CRB1: variants seen among roughly 807,000 people sequenced by gnomAD.
CRB1 encodes crumbs cell polarity complex component 1.
CRB1 carries 83 observed loss-of-function variants against 120.0 expected under a neutral mutation model. The ratio of observed to expected loss-of-function variants is 0.69; its 90% CI spans 0.58 to 0.83. The LOEUF is 0.83. Ranked by LOEUF, CRB1 falls within the 40% of genes least tolerant of loss-of-function variation. The pLI is 0.00. For synonymous variants in CRB1, 625 were observed against 612.5 expected (o/e 1.02, Z -0.30); for missense variants, 1,699 against 1,687.6 (o/e 1.01, Z -0.12).
intron 7 of CRB1, 40 bp downstream of exon 7, chr1:197,428,041 T>C: frequency 4.5e-6 from 7 of 1,559,856 alleles, no homozygotes; most frequent in Non-Finnish European, 6.2e-6. Context: ...TACTGTATGC[T>C]AAACTTTTAC....
intron 5 of CRB1, among the ~76,000 whole-genome samples, chr1:197,388,000 C>A (rs114642988): frequency 0.029 from 4,426 of 151,004 alleles, 146 homozygotes; most frequent in African/African-American, 0.086. Flanking sequence ...CTCTCTCTCT[C>A]TATATATATA....
At chr1:197,449,405 C>T (rs1461682543) in intron 11 of CRB1, among the ~76,000 whole-genome samples, 1 of 152,064 alleles carries the variant, frequency 6.6e-6, no homozygotes, top group Non-Finnish European at 1.5e-5. Context: ...CTCGCACTGT[C>T]GCCCAGGCTG....
At chr1:197,357,240 A>G (rs1660535750) in intron 5 of CRB1, 2 of 604,654 alleles carry the variant, frequency 3.3e-6, no homozygotes, top group South Asian at 1.9e-5. Context: ...GAAAGGGATG[A>G]CATTTTTATA....
At chr1:197,406,733 AT>A (rs564592000) in intron 5 of CRB1, among the ~76,000 whole-genome samples, 11,052 of 151,960 alleles carry the variant, frequency 0.073, 506 homozygotes, top group Non-Finnish European at 0.097. Flanking sequence ...AGGGATTTTT[AT>A]TTTTTTTAAC....
intron 11 of CRB1, among the ~76,000 whole-genome samples, chr1:197,461,042 C>T (rs1666507485): frequency 1.3e-5 from 2 of 152,124 alleles, no homozygotes; most frequent in South Asian, 4.1e-4. Context: ...AAGATAATCA[C>T]AGCTGGCAAT....
the CRB1 span, among the ~76,000 whole-genome samples, chr1:197,221,257 G>A: frequency 6.6e-6 from 1 of 152,182 alleles, no homozygotes; most frequent in Non-Finnish European, 1.5e-5. Flanking sequence ...GGTGATAACT[G>A]CCTGATAGTA....
intron 5 of CRB1, among the ~76,000 whole-genome samples, chr1:197,371,499 C>T (rs1661368885): frequency 1.3e-5 from 2 of 152,140 alleles, no homozygotes. Context: ...ATCATCAAGT[C>T]TAATTTCATC....
chr1:197,371,452 C>A (rs977632656), intron 5 of CRB1, among the ~76,000 whole-genome samples: 2 of 152,148 alleles, frequency 1.3e-5, no homozygotes, highest in Non-Finnish European at 2.9e-5. Context: ...TTTCTTCAAA[C>A]TTCCAATACC....
intron 5 of CRB1, among the ~76,000 whole-genome samples, chr1:197,358,381 C>T (rs1470576224): frequency 6.6e-6 from 1 of 152,126 alleles, no homozygotes; most frequent in Non-Finnish European, 1.5e-5. Flanking sequence ...AAGGACATTG[C>T]TAATATTACC....
intron 5 of CRB1, among the ~76,000 whole-genome samples, chr1:197,406,445 C>G (rs1239982427): frequency 6.6e-6 from 1 of 152,184 alleles, no homozygotes; most frequent in Non-Finnish European, 1.5e-5. Flanking sequence ...CTGCGGAGGG[C>G]CGCAGGGTCC....
At chr1:197,389,662 T>C (rs1369534692) in intron 5 of CRB1, among the ~76,000 whole-genome samples, 2 of 152,090 alleles carry the variant, frequency 1.3e-5, no homozygotes, top group Admixed American at 1.3e-4. Context: ...CAGAACTCTA[T>C]ACTTAAAATG....
chr1:197,255,103 C>G, the CRB1 span, among the ~76,000 whole-genome samples: 1 of 152,032 alleles, frequency 6.6e-6, no homozygotes, highest in African/African-American at 2.4e-5. Context: ...ATCCGTTTCT[C>G]TTTCATTTGA....
chr1:197,454,747 C>T (rs1325407864), intron 11 of CRB1, among the ~76,000 whole-genome samples: 4 of 152,298 alleles, frequency 2.6e-5, no homozygotes, highest in African/African-American at 9.6e-5. Context: ...TCATCATCTA[C>T]TAAAATCTCC....
At chr1:197,228,021 CAG>C in the CRB1 span, among the ~76,000 whole-genome samples, 121 of 152,260 alleles carry the variant, frequency 7.9e-4, no homozygotes, top group African/African-American at 2.8e-3. Context: ...GGCTGGGACA[CAG>C]GGCACCAAGT....
In CRB1 at chr1:197,427,964, A is replaced by G. The variant is rs910489135; in HGVS notation, c.2639A>G (p.Asn880Ser). The G allele has an allele frequency of 3.1e-6, 5 of 1,613,972 alleles. No homozygotes were observed. The highest frequency in any genetic ancestry group is 1.1e-5 in the South Asian group (1 of 91,084). Residue 880 changes from asparagine to serine, a missense_variant, in exon 7 of 12, where the codon AAT becomes AGT. Physicochemically the swap from Asn to Ser is conservative, Grantham distance 46 (BLOSUM62 1). Transcript: ENST00000367400. ...NNASLNPVLV[N>S]VTQGCAGDNS... ...GCATCTCTCAATCCAGTTCTTGTCAATGTAACCCAAGGCTGTGCTGGAGAC... is the reference window on the plus strand; with the variant it reads ...GCATCTCTCAATCCAGTTCTTGTCAGTGTAACCCAAGGCTGTGCTGGAGAC...
chr1:197,357,037 G>C, intron 5 of CRB1, 24 bp downstream of exon 5: 1 of 1,612,468 alleles, frequency 6.2e-7, no homozygotes, highest in Non-Finnish European at 8.5e-7. Flanking sequence ...GATGGGATAT[G>C]ACTTGACTTT....
At chr1:197,325,429 G>A (rs1465821089) in intron 1 of CRB1, among the ~76,000 whole-genome samples, 1 of 152,082 alleles carries the variant, frequency 6.6e-6, no homozygotes, top group Non-Finnish European at 1.5e-5. Flanking sequence ...GTGAAACGAT[G>A]TAAGACACCA....
At chr1:197,338,303 A>G (rs953140215) in intron 2 of CRB1, among the ~76,000 whole-genome samples, 19 of 152,134 alleles carry the variant, frequency 1.2e-4, no homozygotes, top group African/African-American at 4.3e-4. Context: ...AAATTTTATG[A>G]TATTTATGAT....
At chr1:197,214,876 A>G in the CRB1 span, among the ~76,000 whole-genome samples, 1 of 146,554 alleles carries the variant, frequency 6.8e-6, no homozygotes, top group Non-Finnish European at 1.5e-5. Context: ...ATACTGAAGA[A>G]AAAAAAAAAA....
Sources: gnomAD v4.1 joint callset for allele counts (sites outside exome capture counted in the v4.1 genomes callset) on GRCh38, gnomAD v4.1.1 for gene constraint, MANE v1.5 for transcripts, NCBI Gene and HGNC (gene_info 2026-07-23, HGNC 2026-07-21) for gene names.